The following FNIP2 variants were observed in gnomAD, a reference collection of about 807,000 sequenced individuals.
FNIP2 encodes the protein folliculin interacting protein 2.
Under a neutral mutation model 108.7 loss-of-function variants are expected in FNIP2, and 32 were observed. The ratio of observed to expected loss-of-function variants is 0.29; its 90% confidence interval spans 0.22 to 0.40. The LOEUF is 0.40. Among genes scored for constraint, FNIP2 ranks in the 10% least tolerant of loss-of-function variants. The pLI is 1.00. For missense variants in FNIP2, 1,202 were observed against 1,381.6 expected, an observed-to-expected ratio of 0.87 and a Z score of 2.06; for synonymous variants, 480 against 496.7, an observed-to-expected ratio of 0.97 and a Z score of 0.45.
intron 1 of FNIP2, among the ~76,000 whole-genome samples, chr4:158,776,485 A>G (rs543901420): frequency 1.3e-5 from 2 of 152,294 alleles, no homozygotes; most frequent in East Asian, 1.9e-4. Context: ...TTTTTGTCTT[A>G]TAGTCAAAAC....
At chr4:158,846,916 C>T (rs1026802913) in intron 7 of FNIP2, among the ~76,000 whole-genome samples, 2 of 152,254 alleles carry the variant, frequency 1.3e-5, no homozygotes, top group African/African-American at 4.8e-5. Context: ...TCTTGAATTG[C>T]CAGCGCCACC....
chr4:158,796,884 G>T (rs1041395310), intron 1 of FNIP2, among the ~76,000 whole-genome samples: 1 of 152,068 alleles, frequency 6.6e-6, no homozygotes, highest in Non-Finnish European at 1.5e-5. Context: ...CTGTTCCCTG[G>T]TATGACACCC....
At chr4:158,883,264 C>T (rs1301942444) in intron 14 of FNIP2, among the ~76,000 whole-genome samples, 7 of 151,714 alleles carry the variant, frequency 4.6e-5, no homozygotes, top group East Asian at 1.9e-4. Context: ...TTTTTTGAGA[C>T]GGAGTCTGGC....
chr4:158,773,590 G>A (rs1460583601), intron 1 of FNIP2, among the ~76,000 whole-genome samples: 2 of 152,124 alleles, frequency 1.3e-5, no homozygotes, highest in Non-Finnish European at 2.9e-5. Context: ...GTATTACTAA[G>A]CATCTTTTTT....
chr4:158,806,037 C>A, intron 1 of FNIP2: 1 of 702,684 alleles, frequency 1.4e-6, no homozygotes, highest in Non-Finnish European at 1.8e-6. Flanking sequence ...ATGAATGTTC[C>A]ACCTTTTTTT....
Position 158,905,486 on chromosome 4 carries a change from T to G in FNIP2, c.*942T>G, listed in dbSNP as rs921377523. 6.6e-6 allele frequency: 1 copy of G among 152,228 alleles called. No homozygotes were observed. Among genetic ancestry groups the G allele is most frequent in the African/African-American group, 2.4e-5 (1 of 41,452 alleles). The allele number at this position is 152,228 out of a possible 1,614,324, so 9.4% of individuals were successfully genotyped here. ...CTATTTTTACTTTAAAAGGCACAGC[T>G]GTCCTGGTGGGAAATGAAACCTGCA... On this transcript the variant is annotated 3_prime_UTR_variant, in exon 17 of 17. Coordinates refer to ENST00000264433, the MANE Select transcript of FNIP2 (RefSeq NM_020840.3).
chr4:158,845,673 A>G (rs562821419), intron 7 of FNIP2, among the ~76,000 whole-genome samples: 2 of 152,382 alleles, frequency 1.3e-5, no homozygotes, highest in East Asian at 1.9e-4. Flanking sequence ...CCAGGCCAAC[A>G]TTCAGATACA....
At chr4:158,801,220 G>A (rs1487651214) in intron 1 of FNIP2, among the ~76,000 whole-genome samples, 1 of 152,122 alleles carries the variant, frequency 6.6e-6, no homozygotes, top group Non-Finnish European at 1.5e-5. Flanking sequence ...GGTGTGCTTG[G>A]CTTCTGCACA....
intron 1 of FNIP2, among the ~76,000 whole-genome samples, chr4:158,821,363 A>G (rs1777873619): frequency 6.6e-6 from 1 of 152,222 alleles, no homozygotes; most frequent in Non-Finnish European, 1.5e-5. Flanking sequence ...GTGGTCAGCT[A>G]TTTTTAGGCA....
Position 158,861,770 on chromosome 4 carries a change from C to T in FNIP2, c.1459C>T (p.Gln487Ter). The T allele has an allele frequency of 2.5e-6, 4 of 1,613,958 alleles. No homozygotes were observed. The highest frequency in any genetic ancestry group is 3.4e-6 in the Non-Finnish European group (4 of 1,179,870). Residue 487 changes from glutamine (Q) to a stop codon, truncating the protein, a stop_gained, in exon 12 of 17, where the codon CAG becomes TAG. Transcript: ENST00000264433. LOFTEE classifies it high-confidence loss of function. ...ACATCCGTATAATCCTCTTTGGGCA[C>T]AGCTGGGTTAGTACCTAATTTGACT... ...KTHPYNPLWA[Q>*]LGDLYGAIGS...
intron 1 of FNIP2, among the ~76,000 whole-genome samples, chr4:158,807,855 C>G (rs1396299678): frequency 6.6e-6 from 1 of 152,154 alleles, no homozygotes; most frequent in Non-Finnish European, 1.5e-5. Context: ...TTAAAGAGAT[C>G]TGTTTGTAGA....
At chr4:158,816,500 C>T (rs1167767227) in intron 1 of FNIP2, among the ~76,000 whole-genome samples, 2 of 152,010 alleles carry the variant, frequency 1.3e-5, no homozygotes, top group African/African-American at 2.4e-5. Context: ...AGAATTAGCT[C>T]GGCCAGGCGC....
chr4:158,855,698 G>A (rs980841382), intron 8 of FNIP2, among the ~76,000 whole-genome samples: 1 of 151,992 alleles, frequency 6.6e-6, no homozygotes, highest in Non-Finnish European at 1.5e-5. Flanking sequence ...CTCCCACCTC[G>A]GCCTCCCAAA....
At chr4:158,774,421 T>C (rs1345580702) in intron 1 of FNIP2, among the ~76,000 whole-genome samples, 1 of 152,218 alleles carries the variant, frequency 6.6e-6, no homozygotes, top group East Asian at 1.9e-4. Context: ...TAAGATAACT[T>C]AAATAGCATT....
intron 14 of FNIP2, among the ~76,000 whole-genome samples, chr4:158,889,673 G>A (rs17037738): frequency 8.5e-5 from 13 of 152,186 alleles, no homozygotes; most frequent in Admixed American, 8.5e-4. Flanking sequence ...TTGACATATG[G>A]TCAGTATGAG....
intron 1 of FNIP2, among the ~76,000 whole-genome samples, chr4:158,770,397 C>T (rs1297538058): frequency 2.0e-5 from 3 of 152,198 alleles, no homozygotes; most frequent in Non-Finnish European, 4.4e-5. Context: ...AAACAGTTCA[C>T]TGTTAAACAG....
intron 14 of FNIP2, among the ~76,000 whole-genome samples, chr4:158,884,166 A>G (rs1781888060): frequency 1.3e-5 from 2 of 152,192 alleles, no homozygotes; most frequent in Admixed American, 1.3e-4. Context: ...AAATATATTA[A>G]TTATGGTGCA....
At chr4:158,840,103 G>A (rs1053455208) in intron 7 of FNIP2, among the ~76,000 whole-genome samples, 4 of 152,156 alleles carry the variant, frequency 2.6e-5, no homozygotes, top group Non-Finnish European at 2.9e-5. Flanking sequence ...CATCAGCAAA[G>A]TTCAGTGATT....
At chr4:158,841,583 C>T (rs1363782208) in intron 7 of FNIP2, among the ~76,000 whole-genome samples, 2 of 152,172 alleles carry the variant, frequency 1.3e-5, no homozygotes, top group African/African-American at 4.8e-5. Flanking sequence ...AAGGCTGTGA[C>T]ACCCCATTGA....
Sources: gnomAD v4.1 joint callset for allele counts (sites outside exome capture counted in the v4.1 genomes callset) on GRCh38, gnomAD v4.1.1 for gene constraint, MANE v1.5 for transcripts, NCBI Gene and HGNC (gene_info 2026-07-23, HGNC 2026-07-21) for gene names.